The following DNAH5 variants were observed in gnomAD, a reference collection of about 807,000 sequenced individuals.
The protein encoded by DNAH5 is axonemal beta dynein heavy chain 5.
DNAH5 carries 372 observed loss-of-function variants against 518.2 expected under a neutral mutation model. The observed-to-expected ratio is 0.72, with a 90% CI of 0.66 to 0.78. The LOEUF (loss-of-function observed/expected upper bound fraction) is 0.78, where lower values mean the gene tolerates loss of function less well. Ranked by LOEUF, DNAH5 falls within the 30% of genes least tolerant of loss-of-function variation. The pLI is 0.00. For missense variants in DNAH5, 5,523 were observed against 5,687.0 expected, an observed-to-expected ratio of 0.97 and a Z score of 0.93; for synonymous variants, 2,039 against 2,025.9, an observed-to-expected ratio of 1.01 and a Z score of -0.17.
intron 65 of DNAH5, among the ~76,000 whole-genome samples, chr5:13,741,415 AC>A (rs1748528316): frequency 6.6e-6 from 1 of 152,112 alleles, no homozygotes; most frequent in Admixed American, 6.5e-5. Context: ...CTCAAGCAAA[AC>A]TTGCTCTTAT....
In DNAH5 at chr5:13,921,750, A is replaced by ACCCCC. The variant is rs70964521; in HGVS notation, c.660+352_660+356dup. ...CCACCTCCATCTGCCGCCCACACAC[A>ACCCCC]CCCCCCCACACACACACACACTTCA... is the stretch of plus-strand genomic sequence containing the variant. On this transcript the variant is annotated intron_variant, in intron 5 of 78. Transcript: ENST00000265104. Among the ~76,000 whole-genome samples, 34 of 134,364 alleles carry ACCCCC rather than the reference A, an allele frequency of 2.5e-4. 2 individuals carry two copies. The highest frequency in any genetic ancestry group is 3.3e-4 in the Non-Finnish European group (21 of 63,588). 88.1% of individuals were successfully genotyped at this position (134,364 alleles called of 152,430 possible).
chr5:13,741,211 C>CTGCTTTATG (rs1265984856), intron 65 of DNAH5, among the ~76,000 whole-genome samples: 1 of 152,168 alleles, frequency 6.6e-6, no homozygotes, highest in African/African-American at 2.4e-5. Flanking sequence ...CCCCTGGCCT[C>CTGCTTTATG]TGCTTTATGT....
At chr5:13,924,586 A>G (rs964251001) in intron 3 of DNAH5, among the ~76,000 whole-genome samples, 3 of 151,994 alleles carry the variant, frequency 2.0e-5, no homozygotes, top group African/African-American at 7.3e-5. Context: ...GAGGCAGGAG[A>G]ATCGCTTGAA....
intron 58 of DNAH5, among the ~76,000 whole-genome samples, chr5:13,767,984 C>T (rs182721472): frequency 8.2e-4 from 125 of 152,260 alleles, no homozygotes; most frequent in African/African-American, 2.8e-3. Flanking sequence ...TTTGTACATA[C>T]CTGGAACTTT....
chr5:13,815,615 C>T (rs144313411), intron 42 of DNAH5, among the ~76,000 whole-genome samples: 92 of 152,196 alleles, frequency 6.0e-4, no homozygotes, highest in African/African-American at 2.0e-3. Flanking sequence ...TTATAAGCCA[C>T]CCAGTCTCTA....
intron 61 of DNAH5, among the ~76,000 whole-genome samples, chr5:13,755,350 T>TA (rs1561183280): frequency 1.3e-5 from 2 of 152,004 alleles, no homozygotes; most frequent in Non-Finnish European, 2.9e-5. Context: ...TCTGAAGCCA[T>TA]AAAAAAATCC....
chr5:13,735,205 G>A lies in DNAH5; in HGVS notation c.11687C>T (p.Thr3896Ile), dbSNP rs367792636. 1 of 1,613,926 alleles carries A rather than the reference G, an allele frequency of 6.2e-7. No homozygotes were observed. The highest frequency in any genetic ancestry group is 1.3e-5 in the African/African-American group (1 of 74,884). The change falls in exon 68 of 79, where the codon ACC (threonine) becomes ATC (isoleucine). Residue 3896 changes from threonine to isoleucine, a missense_variant. By Grantham distance (89) the Thr-to-Ile change is moderately conservative (BLOSUM62 -1). Transcript: ENST00000265104. ...GLYEEHKFLF[T>I]LLLTLKIDIQ... ...GTCAATCTTTAGGGTAAGCAACAAG[G>A]TGAACAGGAATTTGTGCTCCTCGTA...
At chr5:14,001,772 C>A (rs1036231848) in intron 1 of DNAH5, among the ~76,000 whole-genome samples, 1 of 151,700 alleles carries the variant, frequency 6.6e-6, no homozygotes, top group East Asian at 1.9e-4. Flanking sequence ...CCAATCATAC[C>A]CTATACAGAC....
Position 13,841,862 on chromosome 5 carries a change from T to C in DNAH5, c.5314A>G (p.Thr1772Ala). 6.2e-7 allele frequency: 1 copy of C among 1,601,930 alleles called. No homozygotes were observed. Among genetic ancestry groups the C allele is most frequent in the Non-Finnish European group, 8.5e-7 (1 of 1,177,006 alleles). Residue 1772 changes from threonine (T) to alanine (A), a missense_variant, in exon 33 of 79, where the codon ACG becomes GCG. Thr to Ala is a moderately conservative substitution (Grantham distance 58). This residue lies in a region of DNAH5 where 5,121 missense variants were observed against 5,223.3 expected (regional missense o/e 0.98). Transcript: ENST00000265104. The part of the protein sequence containing the change: ...ILSISSQEGE[T>A]IELDKPVMAE... ...ATGACAGGTTTATCCAATTCAATCG[T>C]CTCACCCTCTTGAGAGGAAATTGAC...
intron 35 of DNAH5, among the ~76,000 whole-genome samples, chr5:13,831,645 T>C (rs1445348395): frequency 6.6e-6 from 1 of 152,152 alleles, no homozygotes; most frequent in Non-Finnish European, 1.5e-5. Flanking sequence ...TAAAGGCAAG[T>C]AAATGACTCA....
intron 1 of DNAH5, among the ~76,000 whole-genome samples, chr5:13,943,183 A>G (rs994516023): frequency 6.6e-6 from 1 of 152,198 alleles, no homozygotes; most frequent in Admixed American, 6.5e-5. Context: ...CACAGGAAAA[A>G]TGTTCAGACA....
intron 1 of DNAH5, among the ~76,000 whole-genome samples, chr5:13,932,661 T>C (rs978356806): frequency 6.6e-6 from 1 of 152,238 alleles, no homozygotes; most frequent in Non-Finnish European, 1.5e-5. Flanking sequence ...GATAGGTGTT[T>C]AGCTGTCTGT....
intron 74 of DNAH5, among the ~76,000 whole-genome samples, chr5:13,715,002 G>C (rs2126496059): frequency 6.6e-6 from 1 of 152,230 alleles, no homozygotes; most frequent in Middle Eastern, 3.4e-3. Flanking sequence ...ATTATGTTTA[G>C]AAGATACCAG....
intron 1 of DNAH5, among the ~76,000 whole-genome samples, chr5:13,976,880 A>G (rs1174536029): frequency 6.6e-6 from 1 of 152,182 alleles, no homozygotes; most frequent in Non-Finnish European, 1.5e-5. Context: ...TTCATCATCT[A>G]TGAAAAATAA....
intron 78 of DNAH5, among the ~76,000 whole-genome samples, chr5:13,696,090 T>C (rs778976661): frequency 2.0e-5 from 3 of 152,206 alleles, no homozygotes; most frequent in Non-Finnish European, 2.9e-5. Context: ...CAGGTCAGAA[T>C]GGGTCAGACG....
intron 75 of DNAH5, among the ~76,000 whole-genome samples, chr5:13,708,704 C>T (rs904153217): frequency 3.4e-4 from 51 of 151,936 alleles, no homozygotes; most frequent in African/African-American, 1.2e-3. Flanking sequence ...CAAACATGTA[C>T]ACACACACAC....
chr5:13,929,163 G>A (rs1206278921), intron 2 of DNAH5, among the ~76,000 whole-genome samples: 2 of 152,172 alleles, frequency 1.3e-5, no homozygotes, highest in Admixed American at 6.5e-5. Context: ...AACAAGGAGG[G>A]GAATCCTGGC....
At chr5:13,842,423 A>AAAGAAAGAAAG (rs1391485740) in intron 32 of DNAH5, among the ~76,000 whole-genome samples, 24 of 75,958 alleles carry the variant, frequency 3.2e-4, no homozygotes, top group African/African-American at 1.2e-3. Flanking sequence ...AAAAGAAAAG[A>AAAGAAAGAAAG]AAAGAAAGAA....
chr5:13,883,044 C>A lies in DNAH5; in HGVS notation c.3034G>T (p.Ala1012Ser). The A allele has an allele frequency of 6.2e-7, 1 of 1,614,102 alleles. No individual in the cohort carries two copies. The highest frequency in any genetic ancestry group is 8.5e-7 in the Non-Finnish European group (1 of 1,180,012). ...TTGGGAATGGCCAGAGTGACGCTTG[C>A]CCGGAAAATGGGCAAACTGTTCTGC... ...MKQNSLPIFR[A>S]SVTLAIPNIV... The change falls in exon 20 of 79, where the codon GCA becomes TCA. Residue 1012 changes from alanine (A) to serine (S), a missense_variant. Ala to Ser is a moderately conservative substitution (Grantham distance 99). Coordinates refer to ENST00000265104, the MANE Select transcript of DNAH5 (RefSeq NM_001369.3).
Sources: allele counts gnomAD v4.1 joint callset (sites outside exome capture counted in the v4.1 genomes callset), GRCh38; gene constraint gnomAD v4.1.1; regional missense constraint gnomAD v4.1.1; transcripts MANE v1.5; gene names NCBI Gene and HGNC (gene_info 2026-07-23, HGNC 2026-07-21).